SH3BGR: variants seen among roughly 807,000 people sequenced by gnomAD.
SH3BGR encodes SH3 domain-binding glutamic acid-rich protein.
A neutral mutation model predicts 24.5 loss-of-function variants in SH3BGR; 29 were observed. The ratio of observed to expected loss-of-function variants is 1.18; its 90% CI spans 0.88 to 1.61. SH3BGR has a LOEUF of 1.61. Among genes scored for constraint, SH3BGR ranks in the 40% most tolerant of loss-of-function variants. The pLI, the probability that SH3BGR is intolerant of heterozygous loss-of-function variation, is 0.00. For synonymous variants in SH3BGR, 55 were observed against 65.7 expected, an observed-to-expected ratio of 0.84 and a Z score of 0.79; for missense variants, 162 against 205.8, an observed-to-expected ratio of 0.79 and a Z score of 1.30.
At chr21:39,459,723 C>G (rs954956035) in intron 1 of SH3BGR, among the ~76,000 whole-genome samples, 1 of 151,884 alleles carries the variant, frequency 6.6e-6, no homozygotes, top group African/African-American at 2.4e-5. Context: ...GATGTGGTCT[C>G]TACAAAAACT....
rs560505994 is a variant in SH3BGR at position 39,499,894 on chromosome 21, C to T, written c.384C>T (p.Leu128=). ...QKEGSEDVGN[L]PEAQEKNEEE... Reference sequence around the variant, plus strand: ...AGGGCAGTGAAGATGTGGGCAACCTCCCTGAAGCCCAGGAGAAGAATGTGA... The same window carrying T: ...AGGGCAGTGAAGATGTGGGCAACCTTCCTGAAGCCCAGGAGAAGAATGTGA... Residue 128 remains leucine, a synonymous_variant, in exon 4 of 7, where the codon CTC becomes CTT. Transcript: ENST00000333634. 14 of 1,612,978 alleles carry T rather than the reference C, an allele frequency of 8.7e-6. No individual in the cohort carries two copies. The East Asian group carries it at 1.3e-4, about 15-fold the overall frequency.
chr21:39,459,618 C>T (rs1393805187), intron 1 of SH3BGR, among the ~76,000 whole-genome samples: 1 of 151,972 alleles, frequency 6.6e-6, no homozygotes, highest in Admixed American at 6.6e-5. Flanking sequence ...TTGCAGCCTC[C>T]ACCTCCCAGG....
At chr21:39,475,336 T>TG in intron 3 of SH3BGR, 121 bp downstream of exon 3, 1 of 631,086 alleles carries the variant, frequency 1.6e-6, no homozygotes, top group Non-Finnish European at 2.8e-6. Context: ...TTTAGTACAC[T>TG]TCTTATTCTG....
At chr21:39,453,113 A>G (rs2077601424) in intron 1 of SH3BGR, among the ~76,000 whole-genome samples, 1 of 152,208 alleles carries the variant, frequency 6.6e-6, no homozygotes, top group Admixed American at 6.5e-5. Flanking sequence ...AGAGTAAGCC[A>G]TTGGCTGGGG....
At chr21:39,483,544 A>G (rs2078163999) in intron 3 of SH3BGR, among the ~76,000 whole-genome samples, 1 of 152,234 alleles carries the variant, frequency 6.6e-6, no homozygotes, top group Non-Finnish European at 1.5e-5. Context: ...GGAAAAGAAC[A>G]TATGATTCAG....
At chr21:39,467,195 T>C (rs1478590408) in intron 2 of SH3BGR, among the ~76,000 whole-genome samples, 1 of 152,208 alleles carries the variant, frequency 6.6e-6, no homozygotes, top group Non-Finnish European at 1.5e-5. Context: ...ACTACAGTTA[T>C]TTTCTGCTAT....
upstream of SH3BGR, chr21:39,451,771 A>T (rs1602056290): frequency 1.8e-6 from 2 of 1,092,166 alleles, no homozygotes; most frequent in East Asian, 5.1e-5. Flanking sequence ...TGCACAGCAC[A>T]GCCTGGCCTT....
At chr21:39,489,863 G>A (rs2078270557) in intron 3 of SH3BGR, among the ~76,000 whole-genome samples, 1 of 152,196 alleles carries the variant, frequency 6.6e-6, no homozygotes, top group Admixed American at 6.5e-5. Flanking sequence ...TTGAATAATA[G>A]TGAAATCAAG....
chr21:39,453,024 G>T (rs2077599981), intron 1 of SH3BGR, among the ~76,000 whole-genome samples: 1 of 152,194 alleles, frequency 6.6e-6, no homozygotes, highest in African/African-American at 2.4e-5. Flanking sequence ...CAAGGCGGCT[G>T]TTCCTTTTAT....
At chr21:39,486,419 GC>G (rs920747172) in intron 3 of SH3BGR, among the ~76,000 whole-genome samples, 1 of 152,100 alleles carries the variant, frequency 6.6e-6, no homozygotes, top group African/African-American at 2.4e-5. Flanking sequence ...AGTGGGCATA[GC>G]AAAAATCTTG....
At chr21:39,475,951 G>C (rs2078020971) in intron 3 of SH3BGR, among the ~76,000 whole-genome samples, 1 of 152,204 alleles carries the variant, frequency 6.6e-6, no homozygotes, top group African/African-American at 2.4e-5. Flanking sequence ...GAATGAGACA[G>C]CTGAGTGAAG....
intron 1 of SH3BGR, among the ~76,000 whole-genome samples, chr21:39,454,474 G>A (rs2077623139): frequency 2.0e-5 from 3 of 152,192 alleles, no homozygotes; most frequent in African/African-American, 7.2e-5. Flanking sequence ...ACCACGTTCT[G>A]GACGGATTTG....
intron 4 of SH3BGR, 110 bp from the exon 5 acceptor site, chr21:39,508,888 T>C: frequency 2.7e-6 from 2 of 739,978 alleles, no homozygotes; most frequent in Non-Finnish European, 4.5e-6. Flanking sequence ...ACTAATGTGT[T>C]GTTCATTTTG....
intron 6 of SH3BGR, among the ~76,000 whole-genome samples, chr21:39,514,131 C>G (rs2078744196): frequency 1.3e-5 from 2 of 152,168 alleles, no homozygotes; most frequent in Admixed American, 1.3e-4. Flanking sequence ...TAAATCCCAG[C>G]CACTGACTCC....
At chr21:39,471,431 C>CAA (rs35980354) in intron 2 of SH3BGR, among the ~76,000 whole-genome samples, 2 of 147,960 alleles carry the variant, frequency 1.4e-5, no homozygotes, top group African/African-American at 5.0e-5. Context: ...ATTAAATTAA[C>CAA]AAAAAAAAAA....
At chr21:39,494,826 C>G (rs1478054188) in intron 3 of SH3BGR, among the ~76,000 whole-genome samples, 1 of 152,006 alleles carries the variant, frequency 6.6e-6, no homozygotes, top group Non-Finnish European at 1.5e-5. Flanking sequence ...TTCTGGCACT[C>G]TAATTACATA....
chr21:39,448,842 A>G (rs916697792), upstream of SH3BGR, among the ~76,000 whole-genome samples: 2 of 152,202 alleles, frequency 1.3e-5, no homozygotes, highest in Non-Finnish European at 2.9e-5. Flanking sequence ...ACTGACCCCG[A>G]TAGACTGCCT....
chr21:39,466,591 A>G (rs1169792640), intron 2 of SH3BGR, among the ~76,000 whole-genome samples: 2 of 152,252 alleles, frequency 1.3e-5, no homozygotes, highest in South Asian at 2.1e-4. Flanking sequence ...ACTTACAATC[A>G]TGGTGGAATG....
chr21:39,459,232 C>CTT (rs34104540), intron 1 of SH3BGR, among the ~76,000 whole-genome samples: 1 of 145,654 alleles, frequency 6.9e-6, no homozygotes, highest in Non-Finnish European at 1.5e-5. Context: ...CTTTTTCTTT[C>CTT]TTTTTTTTTT....
Sources: allele counts gnomAD v4.1 joint callset (sites outside exome capture counted in the v4.1 genomes callset), GRCh38; gene constraint gnomAD v4.1.1; transcripts MANE v1.5; gene names NCBI Gene and HGNC (gene_info 2026-07-23, HGNC 2026-07-21).